LPP: variants seen among roughly 807,000 people sequenced by gnomAD.
The protein encoded by LPP is lipoma-preferred partner.
Under a neutral mutation model 60.4 loss-of-function variants are expected in LPP, and 38 were observed. The ratio of observed to expected loss-of-function variants is 0.63; its 90% CI spans 0.49 to 0.83. The LOEUF (loss-of-function observed/expected upper bound fraction) is 0.83. LPP is among the 40% of genes least tolerant of loss of function. The pLI, the probability that LPP is intolerant of heterozygous loss-of-function variation, is 0.00. For missense variants in LPP, 902 were observed against 783.6 expected (o/e 1.15, Z -1.80); for synonymous variants, 328 against 290.8 (o/e 1.13, Z -1.30).
At chr3:188,482,106 T>G (rs1804951043) in intron 4 of LPP, among the ~76,000 whole-genome samples, 1 of 152,170 alleles carries the variant, frequency 6.6e-6, no homozygotes, top group Admixed American at 6.5e-5. Context: ...CCCTTCATGC[T>G]CTCTCTTTCC....
intron 2 of LPP, among the ~76,000 whole-genome samples, chr3:188,284,990 A>G (rs1277092526): frequency 6.6e-6 from 1 of 152,036 alleles, no homozygotes; most frequent in African/African-American, 2.4e-5. Context: ...AAATGGTAGC[A>G]CTGGCAATTC....
intron 4 of LPP, among the ~76,000 whole-genome samples, chr3:188,417,116 G>T (rs1466272927): frequency 6.6e-6 from 1 of 152,000 alleles, no homozygotes; most frequent in Non-Finnish European, 1.5e-5. Context: ...AGGTCATTGG[G>T]ATGTGGCATC....
intron 2 of LPP, among the ~76,000 whole-genome samples, chr3:188,251,229 A>T (rs979474776): frequency 6.6e-6 from 1 of 151,236 alleles, no homozygotes; most frequent in African/African-American, 2.4e-5. Flanking sequence ...AGATTTGGTC[A>T]GTGGGAGCTG....
chr3:188,558,944 G>C (rs1029883635), intron 6 of LPP, among the ~76,000 whole-genome samples: 5 of 152,078 alleles, frequency 3.3e-5, no homozygotes, highest in Non-Finnish European at 7.4e-5. Context: ...ATGAGTTTTT[G>C]ATAAAGATCT....
chr3:188,609,136 T>G lies in LPP; in HGVS notation c.430-25T>G. ...TGGCAGTAATTTTTGCTTTCTTTCT[T>G]TCTTTTTTTTCCTATTCTTTTTAGA... On this transcript the variant is annotated intron_variant, in intron 6 of 11. Transcript: ENST00000617246. This position sits in a 1 kb window ranked among gnomAD's most constrained non-coding sequence, Gnocchi z 6.9. 1 of 1,524,492 alleles carries G rather than the reference T, an allele frequency of 6.6e-7. No individual in the cohort carries two copies. The allele number at this position is 1,524,492 out of a possible 1,614,324, so 94.4% of individuals were successfully genotyped here.
At chr3:188,184,673 G>C (rs532909522) in intron 1 of LPP, among the ~76,000 whole-genome samples, 6 of 149,350 alleles carry the variant, frequency 4.0e-5, no homozygotes, top group Middle Eastern at 3.5e-3. Context: ...AAGTGAATAG[G>C]GCTCCGGTAA....
chr3:188,398,394 C>A (rs766649423), intron 3 of LPP, among the ~76,000 whole-genome samples: 3 of 152,224 alleles, frequency 2.0e-5, no homozygotes, highest in African/African-American at 2.4e-5. Flanking sequence ...AGTCTAGTGC[C>A]TTTTCCAGTT....
At chr3:188,636,133 C>A (rs1249466260) in intron 7 of LPP, among the ~76,000 whole-genome samples, 1 of 152,216 alleles carries the variant, frequency 6.6e-6, no homozygotes, top group South Asian at 2.1e-4. Flanking sequence ...TCTGCATTTC[C>A]ATCTGAGGTA....
chr3:188,884,660 A>T lies in LPP; in HGVS notation c.*10181A>T. ...GGTTCAGAATATCAACCAAGACCAT[A>T]TCATTTAGAATTCATTGGCATGTAG... On this transcript the variant is annotated 3_prime_UTR_variant, in exon 12 of 12. Coordinates refer to ENST00000617246, the MANE Select transcript of LPP (RefSeq NM_001375462.1). The T allele has an allele frequency of 4.4e-6, 1 of 229,222 alleles. No individual in the cohort carries two copies. Among genetic ancestry groups the T allele is most frequent in the South Asian group, 1.8e-4 (1 of 5,492 alleles). The allele number at this position is 229,222 out of a possible 1,614,324, so 14.2% of individuals were successfully genotyped here.
At chr3:188,583,780 T>C (rs377323389) in intron 6 of LPP, among the ~76,000 whole-genome samples, 11 of 152,208 alleles carry the variant, frequency 7.2e-5, no homozygotes, top group African/African-American at 2.4e-4. Context: ...AGTGATCCCA[T>C]CTTTCCTTCT....
chr3:188,334,030 C>A (rs2150549547), intron 2 of LPP, among the ~76,000 whole-genome samples: 1 of 152,342 alleles, frequency 6.6e-6, no homozygotes, highest in East Asian at 1.9e-4. Flanking sequence ...CCCCCTCCTG[C>A]TACTTTTCTC....
chr3:188,415,562 A>G (rs1379001654), intron 4 of LPP, among the ~76,000 whole-genome samples: 2 of 152,072 alleles, frequency 1.3e-5, no homozygotes, highest in African/African-American at 4.8e-5. Flanking sequence ...TGATGGGCAG[A>G]TGTTTCAGTG....
intron 9 of LPP, among the ~76,000 whole-genome samples, chr3:188,817,179 T>C (rs1453298966): frequency 6.6e-6 from 1 of 152,210 alleles, no homozygotes; most frequent in Non-Finnish European, 1.5e-5. Flanking sequence ...CTCTTCATGA[T>C]ATCTTGTAAA....
intron 2 of LPP, among the ~76,000 whole-genome samples, chr3:188,269,053 A>T (rs115681987): frequency 0.012 from 1,757 of 152,268 alleles, 33 homozygotes; most frequent in African/African-American, 0.04. Context: ...ATAGGATGTG[A>T]TCTTTACCCA....
Position 188,417,197 on chromosome 3 carries a change from C to T in LPP, c.193+10884C>T, listed in dbSNP as rs567572700. ...ATGTTCTTTACATTGTTCTGTATGT[C>T]GCTGTCTTCAAACAGAATAGATAAG... On this transcript the variant is annotated intron_variant, in intron 4 of 11. Transcript: ENST00000617246. Among the ~76,000 whole-genome samples, 23 of 151,978 alleles carry T rather than the reference C, an allele frequency of 1.5e-4. No individual in the cohort carries two copies. The South Asian group carries it at 4.2e-3, about 27-fold the overall frequency.
intron 8 of LPP, among the ~76,000 whole-genome samples, chr3:188,736,546 G>T (rs1047604763): frequency 1.3e-5 from 2 of 152,040 alleles, no homozygotes; most frequent in Non-Finnish European, 2.9e-5. Context: ...TTTGCTGCTG[G>T]TAAGACCGTA....
chr3:188,253,003 C>T (rs548605714), intron 2 of LPP, among the ~76,000 whole-genome samples: 60 of 151,288 alleles, frequency 4.0e-4, no homozygotes, highest in Middle Eastern at 3.5e-3. Context: ...AAACTCCTAA[C>T]CTCAAGTGAT....
intron 10 of LPP, among the ~76,000 whole-genome samples, chr3:188,868,902 T>G (rs148580885): frequency 2.2e-4 from 34 of 152,230 alleles, no homozygotes; most frequent in African/African-American, 7.7e-4. Context: ...CAGATATATA[T>G]AGAGAAGTCA....
intron 6 of LPP, chr3:188,568,536 C>G (rs1026611220): frequency 6.6e-6 from 1 of 151,890 alleles, no homozygotes; most frequent in Non-Finnish European, 1.5e-5. Context: ...TATCGACAGA[C>G]AGTCTTCCAT....
Sources: allele counts gnomAD v4.1 joint callset (sites outside exome capture counted in the v4.1 genomes callset), GRCh38; gene constraint gnomAD v4.1.1; non-coding constraint Gnocchi (gnomAD v3.1); transcripts MANE v1.5; gene names NCBI Gene and HGNC (gene_info 2026-07-23, HGNC 2026-07-21).